The following PTPRT variants were observed in gnomAD, a reference collection of about 807,000 sequenced individuals.
The protein encoded by PTPRT is receptor-type tyrosine-protein phosphatase T.
In PTPRT, 56 loss-of-function variants were observed where a neutral mutation model predicts 176.8. That is an observed-to-expected ratio of 0.32 (90% CI 0.26 to 0.40). The LOEUF (loss-of-function observed/expected upper bound fraction) is 0.40. Among genes scored for constraint, PTPRT ranks in the 10% least tolerant of loss-of-function variants. PTPRT has a pLI of 1.00. For missense variants in PTPRT, 1,540 were observed against 1,908.2 expected, an observed-to-expected ratio of 0.81 and a Z score of 3.60; for synonymous variants, 783 against 739.0, an observed-to-expected ratio of 1.06 and a Z score of -0.96.
chr20:42,596,147 G>T (rs2145774490), intron 7 of PTPRT, among the ~76,000 whole-genome samples: 1 of 152,286 alleles, frequency 6.6e-6, no homozygotes, highest in South Asian at 2.1e-4. Context: ...AAGGCCCAGA[G>T]TGTCCAGTGG....
intron 1 of PTPRT, among the ~76,000 whole-genome samples, chr20:43,072,109 A>G (rs993455740): frequency 1.3e-5 from 2 of 152,212 alleles, no homozygotes; most frequent in African/African-American, 4.8e-5. Context: ...CTACCGAGTC[A>G]AACCAAACTG....
In PTPRT at chr20:42,895,326, C is replaced by T. The variant is rs562676017; in HGVS notation, c.89-9394G>A. Reference sequence around the variant, plus strand: ...ACAGCCTTTCCTTGGTGCCTGTGTACTCTGATGCATCTTCCCAGCCCAATG... The same window carrying T: ...ACAGCCTTTCCTTGGTGCCTGTGTATTCTGATGCATCTTCCCAGCCCAATG... On this transcript the variant is annotated intron_variant, in intron 1 of 30. Transcript: ENST00000373187. 7.2e-5 allele frequency among the ~76,000 whole-genome samples: 11 copies of T among 152,310 alleles called. No homozygotes were observed. In the South Asian group the frequency reaches 2.1e-3, roughly 29 times the overall value.
At chr20:43,035,776 A>C (rs566077001) in intron 1 of PTPRT, among the ~76,000 whole-genome samples, 46 of 152,358 alleles carry the variant, frequency 3.0e-4, no homozygotes, top group Non-Finnish European at 5.4e-4. Context: ...GAGCAAGGTT[A>C]ATTACTCTTC....
chr20:42,045,194 G>A, the PTPRT span, among the ~76,000 whole-genome samples: 2 of 152,118 alleles, frequency 1.3e-5, no homozygotes, highest in Non-Finnish European at 2.9e-5. Flanking sequence ...CAGGGATTAG[G>A]ACATAGACAC....
chr20:42,999,090 A>G (rs990257563), intron 1 of PTPRT, among the ~76,000 whole-genome samples: 7 of 152,238 alleles, frequency 4.6e-5, no homozygotes, highest in African/African-American at 1.7e-4. Context: ...TTTATAGGCA[A>G]CTAAGAAATG....
chr20:43,074,821 G>C (rs534396509), intron 1 of PTPRT, among the ~76,000 whole-genome samples: 4 of 152,310 alleles, frequency 2.6e-5, no homozygotes, highest in African/African-American at 9.6e-5. Flanking sequence ...ACAATGTTAA[G>C]ACCACTAGAA....
intron 7 of PTPRT, among the ~76,000 whole-genome samples, chr20:42,658,406 C>A (rs896157835): frequency 6.6e-6 from 1 of 152,190 alleles, no homozygotes; most frequent in African/African-American, 2.4e-5. Flanking sequence ...TCAGATGACA[C>A]TTCAGCACTA....
intron 12 of PTPRT, among the ~76,000 whole-genome samples, chr20:42,289,757 C>T (rs1282789126): frequency 6.6e-6 from 1 of 152,052 alleles, no homozygotes; most frequent in African/African-American, 2.4e-5. Context: ...CCTTAATCTT[C>T]CCTTCCACAG....
chr20:42,365,990 C>A (rs903180723), intron 9 of PTPRT, among the ~76,000 whole-genome samples: 1 of 152,220 alleles, frequency 6.6e-6, no homozygotes, highest in Non-Finnish European at 1.5e-5. Context: ...CCCTCCTCAC[C>A]TGCAGCCAGT....
At chr20:43,030,643 G>A (rs781636096) in intron 1 of PTPRT, among the ~76,000 whole-genome samples, 13 of 152,158 alleles carry the variant, frequency 8.5e-5, no homozygotes, top group African/African-American at 1.9e-4. Context: ...TGAGAATACC[G>A]AAAGGCCATT....
rs75118369 is a variant in PTPRT, at chr20:43,077,395, T to C, written c.88+112251A>G. 9.2e-3 allele frequency among the ~76,000 whole-genome samples: 1,405 copies of C among 152,244 alleles called. 37 individuals carry two copies. The highest frequency in any genetic ancestry group is 0.032 in the African/African-American group (1,333 of 41,546). ...GGCAATGTCCACATCCTTATGTATA[T>C]ACCACACTGCATTCCACACACTGTC... On this transcript the variant is annotated intron_variant, in intron 1 of 30. Transcript: ENST00000373187.
At chr20:42,151,657 A>T (rs760727996) in intron 17 of PTPRT, among the ~76,000 whole-genome samples, 10 of 152,222 alleles carry the variant, frequency 6.6e-5, no homozygotes, top group Non-Finnish European at 1.3e-4. Context: ...CTTTGGGTAT[A>T]TACCCAGTAA....
At chr20:42,329,533 T>C (rs1334196207) in intron 11 of PTPRT, among the ~76,000 whole-genome samples, 1 of 146,332 alleles carries the variant, frequency 6.8e-6, no homozygotes, top group Admixed American at 6.8e-5. Context: ...ACAGGCAACA[T>C]CACCGTTCAG....
chr20:42,205,075 G>T (rs1411907611), intron 15 of PTPRT, among the ~76,000 whole-genome samples: 1 of 115,784 alleles, frequency 8.6e-6, no homozygotes, highest in Non-Finnish European at 1.7e-5. Flanking sequence ...GTGGTGGGGT[G>T]GGGGGAGGGG....
In PTPRT at chr20:42,315,750, G is replaced by A; in HGVS notation, c.2112C>T (p.Tyr704=). 1 of 1,614,124 alleles carries A rather than the reference G, an allele frequency of 6.2e-7. No homozygotes were observed. ...CATTGGCTTTGCTGAGTGCCTGGAA[G>A]TAGATGCTGTAGCTTTTCAGGGGAG... ...PLSPLKSYSI[Y]FQALSKANGE... The change falls in exon 12 of 31, where the codon TAC becomes TAT. Residue 704 remains tyrosine, a synonymous_variant. Coordinates refer to ENST00000373187, the MANE Select transcript of PTPRT (RefSeq NM_007050.6).
At chr20:42,639,497 G>A (rs2074688195) in intron 7 of PTPRT, among the ~76,000 whole-genome samples, 1 of 152,080 alleles carries the variant, frequency 6.6e-6, no homozygotes, top group African/African-American at 2.4e-5. Flanking sequence ...CATTCCTTGG[G>A]TCTCAACTCT....
intron 7 of PTPRT, among the ~76,000 whole-genome samples, chr20:42,523,226 A>G (rs1302375132): frequency 6.6e-6 from 1 of 152,144 alleles, no homozygotes; most frequent in African/African-American, 2.4e-5. Flanking sequence ...TGAAGCCCAT[A>G]CGATGCCTTA....
chr20:42,397,724 C>T (rs2058865363), intron 9 of PTPRT, among the ~76,000 whole-genome samples: 1 of 152,136 alleles, frequency 6.6e-6, no homozygotes, highest in Non-Finnish European at 1.5e-5. Context: ...CAGGTCTTTG[C>T]TATTGTGACT....
chr20:42,801,651 T>C (rs534085439), intron 2 of PTPRT, among the ~76,000 whole-genome samples: 1 of 152,250 alleles, frequency 6.6e-6, no homozygotes, highest in African/African-American at 2.4e-5. Context: ...GAAAGTTCTA[T>C]GACAAGGCAA....
Sources: gnomAD v4.1 joint callset for allele counts (sites outside exome capture counted in the v4.1 genomes callset) on GRCh38, gnomAD v4.1.1 for gene constraint, MANE v1.5 for transcripts, NCBI Gene and HGNC (gene_info 2026-07-23, HGNC 2026-07-21) for gene names.